ROR2: variants seen among roughly 807,000 people sequenced by gnomAD.
The protein encoded by ROR2 is tyrosine-protein kinase transmembrane receptor ROR2.
A neutral mutation model predicts 74.9 loss-of-function variants in ROR2; 33 were observed. The observed-to-expected ratio is 0.44, with a 90% CI of 0.33 to 0.59. The LOEUF (loss-of-function observed/expected upper bound fraction) is 0.59, where lower values mean the gene tolerates loss of function less well. Ranked by LOEUF, ROR2 falls within the 20% of genes least tolerant of loss-of-function variation. The probability of loss-of-function intolerance (pLI) is 0.02; values close to 1 mark genes in which losing one functional copy is unlikely to be tolerated. For missense variants in ROR2, 1,216 were observed against 1,313.8 expected (o/e 0.93, Z 1.15); for synonymous variants, 586 against 558.7 (o/e 1.05, Z -0.69).
chr9:91,775,123 G>A (rs760539976), intron 2 of ROR2, among the ~76,000 whole-genome samples: 31 of 152,264 alleles, frequency 2.0e-4, no homozygotes, highest in Non-Finnish European at 3.8e-4. Context: ...GGAAGTGTGT[G>A]TGTTGTTTCA....
At chr9:91,779,248 T>C (rs569989805) in intron 1 of ROR2, among the ~76,000 whole-genome samples, 1 of 151,918 alleles carries the variant, frequency 6.6e-6, no homozygotes, top group East Asian at 1.9e-4. Context: ...AATCTAAAAC[T>C]AAAGTAAAAA....
At chr9:91,919,436 C>T (rs1244671156) in intron 1 of ROR2, among the ~76,000 whole-genome samples, 1 of 152,188 alleles carries the variant, frequency 6.6e-6, no homozygotes, top group African/African-American at 2.4e-5. Flanking sequence ...TTCAGGAGAA[C>T]CCACAAATTC....
At chr9:91,901,975 G>A (rs1830689027) in intron 1 of ROR2, among the ~76,000 whole-genome samples, 1 of 152,168 alleles carries the variant, frequency 6.6e-6, no homozygotes, top group Non-Finnish European at 1.5e-5. Context: ...AGAGGCACTT[G>A]AAAAGAGGCC....
intron 1 of ROR2, among the ~76,000 whole-genome samples, chr9:91,827,313 C>G (rs1271675372): frequency 6.6e-6 from 1 of 151,788 alleles, no homozygotes; most frequent in Non-Finnish European, 1.5e-5. Context: ...TTTGCTATAT[C>G]ATTTTTTTTT....
chr9:91,892,532 AT>A (rs200794281), intron 1 of ROR2, among the ~76,000 whole-genome samples: 217 of 127,916 alleles, frequency 1.7e-3, no homozygotes, highest in South Asian at 2.5e-3. Flanking sequence ...TAAGTGTTGG[AT>A]TTTTTTTTTT....
chr9:91,860,800 C>T (rs979900065), intron 1 of ROR2, among the ~76,000 whole-genome samples: 14 of 152,318 alleles, frequency 9.2e-5, no homozygotes, highest in African/African-American at 3.4e-4. Flanking sequence ...AGTCCACCAA[C>T]TCCCACGCCA....
At chr9:91,726,052 C>T (rs1046355858) in intron 8 of ROR2, among the ~76,000 whole-genome samples, 1 of 152,242 alleles carries the variant, frequency 6.6e-6, no homozygotes, top group African/African-American at 2.4e-5. Flanking sequence ...CAGTGCCCCA[C>T]CCCCATCTAA....
intron 1 of ROR2, among the ~76,000 whole-genome samples, chr9:91,849,021 AG>A (rs962749910): frequency 1.3e-5 from 2 of 152,288 alleles, no homozygotes; most frequent in African/African-American, 4.8e-5. Flanking sequence ...CCCTAAGTGC[AG>A]TTCCACAGCG....
At chr9:91,917,680 G>GT (rs1370406927) in intron 1 of ROR2, among the ~76,000 whole-genome samples, 2 of 152,186 alleles carry the variant, frequency 1.3e-5, no homozygotes, top group Non-Finnish European at 2.9e-5. Context: ...CAAAACCAGC[G>GT]TACCTGGTGT....
intron 2 of ROR2, among the ~76,000 whole-genome samples, chr9:91,768,153 C>T (rs776101034): frequency 3.3e-5 from 5 of 152,146 alleles, no homozygotes; most frequent in Non-Finnish European, 5.9e-5. Context: ...ACAGACTGTC[C>T]CCAGAGCCTT....
At chr9:91,741,245 A>C (rs1210403561) in intron 4 of ROR2, among the ~76,000 whole-genome samples, 1 of 151,792 alleles carries the variant, frequency 6.6e-6, no homozygotes, top group Admixed American at 6.6e-5. Context: ...GGTTGCAGTG[A>C]GCAGAGATTG....
At chr9:91,739,613 G>C (rs549151877) in intron 4 of ROR2, among the ~76,000 whole-genome samples, 1 of 151,636 alleles carries the variant, frequency 6.6e-6, no homozygotes, top group African/African-American at 2.4e-5. Flanking sequence ...CTGAACACTT[G>C]CAATAGTGAA....
chr9:91,761,649 G>GT (rs770119793), intron 2 of ROR2, among the ~76,000 whole-genome samples: 4 of 152,168 alleles, frequency 2.6e-5, no homozygotes, highest in African/African-American at 7.2e-5. Context: ...ACCTCCTGCT[G>GT]TGTAGCCCAG....
chr9:91,787,936 GTT>G (rs1432116570), intron 1 of ROR2, among the ~76,000 whole-genome samples: 2 of 152,138 alleles, frequency 1.3e-5, no homozygotes, highest in African/African-American at 2.4e-5. Context: ...TAAATAGGAT[GTT>G]ATAAATATGT....
intron 1 of ROR2, among the ~76,000 whole-genome samples, chr9:91,857,332 C>T (rs1049048753): frequency 5.3e-5 from 8 of 152,160 alleles, no homozygotes; most frequent in Non-Finnish European, 2.9e-5. Context: ...ACTGGGCAGG[C>T]GGTGGGGCCT....
chr9:91,932,801 G>A (rs1467440567), intron 1 of ROR2, among the ~76,000 whole-genome samples: 1 of 152,202 alleles, frequency 6.6e-6, no homozygotes, highest in African/African-American at 2.4e-5. Flanking sequence ...TACTTATAAG[G>A]ACAGTTGGCC....
chr9:91,757,606 G>A lies in ROR2; in HGVS notation c.176-47C>T, dbSNP rs749437524. 5.6e-6 allele frequency: 9 copies of A among 1,594,834 alleles called. No homozygotes were observed. The East Asian group carries it at 1.8e-4, about 32-fold the overall frequency. ...AAAGAGCAAGCGTCAGTGAGGGCTG[G>A]AAGGAAGGGCTACCTGGGGGCTCTG... On this transcript the variant is annotated intron_variant, in intron 2 of 8. Coordinates refer to ENST00000375708, the MANE Select transcript of ROR2 (RefSeq NM_004560.4).
At chr9:91,887,834 C>T (rs1830329042) in intron 1 of ROR2, among the ~76,000 whole-genome samples, 1 of 145,676 alleles carries the variant, frequency 6.9e-6, no homozygotes, top group African/African-American at 2.6e-5. Context: ...CTCTGTCGCC[C>T]AGGCTGGAGT....
intron 1 of ROR2, among the ~76,000 whole-genome samples, chr9:91,790,954 C>G (rs1014802950): frequency 6.6e-6 from 1 of 152,156 alleles, no homozygotes; most frequent in African/African-American, 2.4e-5. Flanking sequence ...AGTGTTTTTA[C>G]AACAGAAAGT....
Sources: allele counts gnomAD v4.1 joint callset (sites outside exome capture counted in the v4.1 genomes callset), GRCh38; gene constraint gnomAD v4.1.1; transcripts MANE v1.5; gene names NCBI Gene and HGNC (gene_info 2026-07-23, HGNC 2026-07-21).